GRID1: variants seen among roughly 807,000 people sequenced by gnomAD.
GRID1 encodes glutamate receptor ionotropic, delta-1.
In GRID1, 28 loss-of-function variants were observed where a neutral mutation model predicts 98.0. That is an observed-to-expected ratio of 0.29 (90% CI 0.21 to 0.39). GRID1 has a LOEUF of 0.39. GRID1 is among the 10% of genes least tolerant of loss of function. The pLI, the probability that GRID1 is intolerant of heterozygous loss-of-function variation, is 1.00. For synonymous variants in GRID1, 553 were observed against 538.5 expected, an observed-to-expected ratio of 1.03 and a Z score of -0.37; for missense variants, 1,111 against 1,340.5, an observed-to-expected ratio of 0.83 and a Z score of 2.67.
intron 8 of GRID1, among the ~76,000 whole-genome samples, chr10:85,823,062 T>A (rs1180635768): frequency 1.3e-5 from 2 of 152,074 alleles, no homozygotes; most frequent in East Asian, 3.9e-4. Flanking sequence ...GGGGTAGGGA[T>A]AGCATTAGGA....
intron 8 of GRID1, among the ~76,000 whole-genome samples, chr10:85,758,956 A>G (rs1408492872): frequency 2.6e-5 from 4 of 152,212 alleles, no homozygotes; most frequent in African/African-American, 7.2e-5. Flanking sequence ...TTCTTCATCT[A>G]TTAATATAAA....
At chr10:86,296,453 A>AT (rs1847589389) in intron 2 of GRID1, among the ~76,000 whole-genome samples, 1 of 152,194 alleles carries the variant, frequency 6.6e-6, no homozygotes, top group Non-Finnish European at 1.5e-5. Context: ...TAAAAGTATG[A>AT]TTTTAAAAAA....
chr10:85,950,450 A>G (rs1243276325), intron 4 of GRID1, among the ~76,000 whole-genome samples: 2 of 152,192 alleles, frequency 1.3e-5, no homozygotes, highest in Non-Finnish European at 2.9e-5. Context: ...ATGTCCAAAG[A>G]AAAGCAAGAT....
At chr10:85,688,725 A>G (rs756560122) in intron 12 of GRID1, among the ~76,000 whole-genome samples, 4 of 152,194 alleles carry the variant, frequency 2.6e-5, no homozygotes, top group African/African-American at 7.2e-5. Flanking sequence ...GTGCTCTTCC[A>G]CTAATGAATA....
At chr10:86,191,451 G>A (rs1211316075) in intron 3 of GRID1, among the ~76,000 whole-genome samples, 1 of 152,038 alleles carries the variant, frequency 6.6e-6, no homozygotes. Flanking sequence ...AGTGCAGATT[G>A]CAGTCACATC....
intron 5 of GRID1, among the ~76,000 whole-genome samples, chr10:85,901,328 G>A (rs1286634341): frequency 6.6e-6 from 1 of 151,734 alleles, no homozygotes; most frequent in African/African-American, 2.4e-5. Flanking sequence ...TTACTGCCAA[G>A]CTCTGCCTCA....
At chr10:85,675,076 T>TCATTTCCTCTTAGGAAAA (rs764841855) in intron 12 of GRID1, among the ~76,000 whole-genome samples, 5 of 152,194 alleles carry the variant, frequency 3.3e-5, no homozygotes, top group Admixed American at 6.5e-5. Context: ...CTGGTTTGTG[T>TCATTTCCTCTTAGGAAAA]CATTTCCTCT....
At chr10:86,057,968 A>C (rs1023727916) in intron 4 of GRID1, among the ~76,000 whole-genome samples, 6 of 152,174 alleles carry the variant, frequency 3.9e-5, no homozygotes, top group Non-Finnish European at 7.3e-5. Context: ...TCTAACTAGG[A>C]GTTTTGCCTT....
chr10:85,876,790 C>T (rs1302971477), intron 5 of GRID1, among the ~76,000 whole-genome samples: 4 of 152,124 alleles, frequency 2.6e-5, no homozygotes, highest in Admixed American at 1.3e-4. Flanking sequence ...GTGTGCCAGC[C>T]GAAGGAGGGC....
chr10:86,167,879 G>C (rs1389788586), intron 3 of GRID1, among the ~76,000 whole-genome samples: 3 of 152,086 alleles, frequency 2.0e-5, no homozygotes, highest in Non-Finnish European at 4.4e-5. Context: ...CTCCAGCAGA[G>C]GAGGCCCAGA....
intron 5 of GRID1, among the ~76,000 whole-genome samples, chr10:85,876,018 T>A (rs748964869): frequency 1.3e-5 from 2 of 152,244 alleles, no homozygotes; most frequent in Admixed American, 6.5e-5. Context: ...TTTATTTTTA[T>A]CTCACTCTTG....
intron 2 of GRID1, among the ~76,000 whole-genome samples, chr10:86,223,374 A>C (rs1330255898): frequency 4.6e-5 from 7 of 152,250 alleles, no homozygotes; most frequent in African/African-American, 1.2e-4. Context: ...AAGGAACAGG[A>C]AGCTGCGGAG....
chr10:85,791,442 G>C (rs1352394447), intron 8 of GRID1, among the ~76,000 whole-genome samples: 2 of 152,232 alleles, frequency 1.3e-5, no homozygotes, highest in African/African-American at 4.8e-5. Flanking sequence ...AACTTGGAAA[G>C]AGAGAACTCA....
intron 6 of GRID1, among the ~76,000 whole-genome samples, chr10:85,867,122 A>G (rs1280242316): frequency 6.6e-6 from 1 of 151,972 alleles, no homozygotes; most frequent in Admixed American, 6.6e-5. Flanking sequence ...GACTTTTTGC[A>G]TCCAATGTGT....
At position 85,820,027 on chromosome 10, in the gene GRID1, AAGGCAGGCAGGCAGGCAGGCAGGC is replaced by A. The variant is rs1156384223; in HGVS notation, c.1233+34445_1233+34468del. Among the ~76,000 whole-genome samples, 572 of 66,446 alleles carry A rather than the reference AAGGCAGGCAGGCAGGCAGGCAGGC, an allele frequency of 8.6e-3. 18 individuals carry two copies. Among genetic ancestry groups the A allele is most frequent in the East Asian group, 0.041 (86 of 2,112 alleles). 43.6% of individuals were successfully genotyped at this position (66,446 alleles called of 152,430 possible). ...GAAGGAAGGAAGGAAGGAAGGAAGG[AAGGCAGGCAGGCAGGCAGGCAGGC>A]AGGCAGGCAGGCAGGCAGGAAGGCA... On this transcript the variant is annotated intron_variant, in intron 8 of 15. Coordinates refer to ENST00000327946, the MANE Select transcript of GRID1 (RefSeq NM_017551.3).
chr10:86,330,669 C>T (rs773268449), intron 2 of GRID1, among the ~76,000 whole-genome samples: 5 of 152,192 alleles, frequency 3.3e-5, no homozygotes, highest in Non-Finnish European at 7.3e-5. Flanking sequence ...TGTGTGAGGC[C>T]ACATAGCCAG....
intron 2 of GRID1, among the ~76,000 whole-genome samples, chr10:86,249,698 C>G (rs1254454224): frequency 3.9e-5 from 6 of 152,224 alleles, no homozygotes; most frequent in Admixed American, 6.5e-5. Context: ...ACTCCTCTCC[C>G]TCAACCATCA....
chr10:85,688,420 C>T (rs1841293307), intron 12 of GRID1, among the ~76,000 whole-genome samples: 1 of 152,196 alleles, frequency 6.6e-6, no homozygotes, highest in Non-Finnish European at 1.5e-5. Context: ...ACAATCACAG[C>T]TCACTGCAGC....
At chr10:85,675,868 T>G (rs1441394594) in intron 12 of GRID1, among the ~76,000 whole-genome samples, 1 of 152,132 alleles carries the variant, frequency 6.6e-6, no homozygotes, top group Non-Finnish European at 1.5e-5. Context: ...GTGGTGTCCA[T>G]GTTGCTTTGG....
Sources: allele counts gnomAD v4.1 joint callset (sites outside exome capture counted in the v4.1 genomes callset), GRCh38; gene constraint gnomAD v4.1.1; transcripts MANE v1.5; gene names NCBI Gene and HGNC (gene_info 2026-07-23, HGNC 2026-07-21).